Variants in CCDC93 observed in about 807,000 individuals in gnomAD.
CCDC93 encodes the protein CCC complex scaffolding subunit CCDC93, also known as coiled-coil domain-containing protein 93.
In CCDC93, 61 loss-of-function variants were observed where a neutral mutation model predicts 108.2. The ratio of observed to expected loss-of-function variants is 0.56; its 90% CI spans 0.46 to 0.70. CCDC93 has a LOEUF of 0.70. Among genes scored for constraint, CCDC93 ranks in the 30% least tolerant of loss-of-function variants. The probability of loss-of-function intolerance (pLI) is 0.00; values close to 1 mark genes in which losing one functional copy is unlikely to be tolerated. For missense variants in CCDC93, 685 were observed against 764.2 expected, an observed-to-expected ratio of 0.90 and a Z score of 1.22; for synonymous variants, 276 against 260.4, an observed-to-expected ratio of 1.06 and a Z score of -0.58.
intron 20 of CCDC93, among the ~76,000 whole-genome samples, chr2:117,937,157 G>A (rs35531660): frequency 0.061 from 9,354 of 152,244 alleles, 316 homozygotes; most frequent in Middle Eastern, 0.15. Flanking sequence ...AGTGAGAGTC[G>A]TTTACACCCT....
rs758296831 is a variant in CCDC93, at chr2:118,008,865, C to A, written c.43-207G>T. ...TCACAAATGGGTCCGCGGTCCTCAA[C>A]GGGCTGTTAATCTTCATAGCTGAGG... On this transcript the variant is annotated intron_variant, in intron 1 of 23. Transcript: ENST00000376300. The A allele has an allele frequency of 1.9e-5, 10 of 533,894 alleles. No individual in the cohort carries two copies. In the African/African-American group the frequency reaches 1.9e-4, roughly 10 times the overall value. 33.1% of individuals were successfully genotyped at this position (533,894 alleles called of 1,614,324 possible). A position where few individuals can be genotyped will look rare whatever the true frequency, so the allele number is the denominator to read the frequency against.
chr2:118,001,619 C>CAACACCTCGCCTCAGTCTTCCTCG (rs1676691323), intron 3 of CCDC93, among the ~76,000 whole-genome samples: 1 of 152,160 alleles, frequency 6.6e-6, no homozygotes. Flanking sequence ...AGTCTTCCTC[C>CAACACCTCGCCTCAGTCTTCCTCG]TATAGAAGAC....
At chr2:117,939,910 G>A (rs528371907) in intron 19 of CCDC93, among the ~76,000 whole-genome samples, 1 of 152,328 alleles carries the variant, frequency 6.6e-6, no homozygotes, top group Admixed American at 6.5e-5. Flanking sequence ...GAGGGGTGAA[G>A]CTGGGTGAAG....
chr2:117,969,836 A>G (rs1002684170), intron 11 of CCDC93, among the ~76,000 whole-genome samples: 1 of 152,238 alleles, frequency 6.6e-6, no homozygotes, highest in African/African-American at 2.4e-5. Flanking sequence ...GATAAGATTT[A>G]TTAAGATACT....
chr2:117,994,000 G>A (rs1680567118), intron 6 of CCDC93, among the ~76,000 whole-genome samples: 2 of 152,142 alleles, frequency 1.3e-5, no homozygotes, highest in South Asian at 4.1e-4. Flanking sequence ...CCAGTGTGCT[G>A]GGATTACAGG....
In CCDC93 at chr2:118,006,756, G is replaced by A. The variant is rs1314760969; in HGVS notation, c.217C>T (p.Leu73Phe). ...TCNFDVDVDL[L>F]FQENSTIGQK... ...CCTATCGTAGAGTTTTCTTGAAAGA[G>A]CAAATCAACATCTACATCAAAGTTG... The change falls in exon 3 of 24, where the codon CTC (leucine) becomes TTC (phenylalanine). Residue 73 changes from leucine to phenylalanine, a missense_variant. Physicochemically the swap from Leu to Phe is conservative, Grantham distance 22. Coordinates refer to ENST00000376300, the MANE Select transcript of CCDC93 (RefSeq NM_019044.5). 6.2e-7 allele frequency: 1 copy of A among 1,612,146 alleles called. No homozygotes were observed. Among genetic ancestry groups the A allele is most frequent in the African/African-American group, 1.3e-5 (1 of 74,870 alleles).
At chr2:117,950,308 G>T (rs1679012344) in intron 13 of CCDC93, 1 of 985,222 alleles carries the variant, frequency 1.0e-6, no homozygotes, top group African/African-American at 1.7e-5. Context: ...AATAGTTACA[G>T]AGCAAGCAAA....
In CCDC93 at chr2:117,931,133, T is replaced by C; in HGVS notation, c.1746A>G (p.Gln582=). The C allele has an allele frequency of 6.2e-7, 1 of 1,613,364 alleles. No individual in the cohort carries two copies. The highest frequency in any genetic ancestry group is 8.5e-7 in the Non-Finnish European group (1 of 1,179,342). ...ACTGGTCTCTTCTCATTTTGTTCTCTTGCTTTTTCTTTTCCATCTGTTGAA... is the reference window on the plus strand; with the variant it reads ...ACTGGTCTCTTCTCATTTTGTTCTCCTGCTTTTTCTTTTCCATCTGTTGAA... The part of the protein sequence containing the change: ...QSRMKMEKKK[Q]ENKMRRDQLN... The change falls in exon 23 of 24, where the codon CAA becomes CAG. Residue 582 remains glutamine (Q), a synonymous_variant. Transcript: ENST00000376300.
intron 3 of CCDC93, among the ~76,000 whole-genome samples, chr2:118,002,134 T>C (rs889608439): frequency 6.6e-6 from 1 of 152,208 alleles, no homozygotes; most frequent in African/African-American, 2.4e-5. Context: ...TACTATGTTC[T>C]AATAGACAAA....
At chr2:117,958,695 G>A (rs991410584) in intron 11 of CCDC93, among the ~76,000 whole-genome samples, 1 of 152,094 alleles carries the variant, frequency 6.6e-6, no homozygotes, top group African/African-American at 2.4e-5. Context: ...CTGGGCTGAG[G>A]GAACAGCATG....
chr2:117,943,980 T>C, intron 18 of CCDC93, 44 bp downstream of exon 18: 1 of 1,329,892 alleles, frequency 7.5e-7, no homozygotes, highest in South Asian at 1.3e-5. Context: ...CATTTATACC[T>C]AGTTAGAAGC....
chr2:117,965,896 CAA>C (rs1324921228), intron 11 of CCDC93, among the ~76,000 whole-genome samples: 1 of 150,928 alleles, frequency 6.6e-6, no homozygotes, highest in African/African-American at 2.4e-5. Context: ...AAAAAAAAAA[CAA>C]AGACTTAAAA....
chr2:117,985,447 G>A (rs1680287356), intron 7 of CCDC93: 1 of 977,494 alleles, frequency 1.0e-6, no homozygotes, highest in Non-Finnish European at 1.2e-6. Flanking sequence ...AATACCCAGT[G>A]ACAAGCAAAA....
intron 11 of CCDC93, among the ~76,000 whole-genome samples, chr2:117,965,372 A>AT (rs1173291859): frequency 1.3e-5 from 2 of 152,054 alleles, no homozygotes; most frequent in African/African-American, 4.8e-5. Context: ...GATCAGGCTG[A>AT]TTTTCTAACA....
At chr2:117,944,400 AAG>A in intron 17 of CCDC93, among the ~76,000 whole-genome samples, 2 of 151,886 alleles carry the variant, frequency 1.3e-5, no homozygotes, top group East Asian at 3.9e-4. Context: ...TCATTAGTTA[AAG>A]AATGTGTTGT....
chr2:118,007,699 G>GT (rs1464624217), intron 2 of CCDC93, among the ~76,000 whole-genome samples: 1 of 152,090 alleles, frequency 6.6e-6, no homozygotes, highest in Admixed American at 6.6e-5. Flanking sequence ...AACAAAAACA[G>GT]TAAATCTTAC....
intron 17 of CCDC93, 42 bp from the exon 18 acceptor site, chr2:117,944,128 C>T (rs1558775427): frequency 3.6e-6 from 5 of 1,395,614 alleles, no homozygotes; most frequent in Non-Finnish European, 5.0e-6. Context: ...GAATAGAAAA[C>T]TTTCACTCTT....
chr2:118,002,924 G>A (rs1196605811), intron 3 of CCDC93, among the ~76,000 whole-genome samples: 2 of 152,152 alleles, frequency 1.3e-5, no homozygotes, highest in Admixed American at 6.5e-5. Flanking sequence ...TACAGTCCCA[G>A]CTACTCAAAA....
At chr2:117,941,525 C>A (rs1294081776) in intron 18 of CCDC93, among the ~76,000 whole-genome samples, 17 of 152,012 alleles carry the variant, frequency 1.1e-4, no homozygotes, top group African/African-American at 4.8e-5. Context: ...TCACAGAAGG[C>A]ACCAAATGAG....
Sources: allele counts gnomAD v4.1 joint callset (sites outside exome capture counted in the v4.1 genomes callset), GRCh38; gene constraint gnomAD v4.1.1; transcripts MANE v1.5; gene names NCBI Gene and HGNC (gene_info 2026-07-23, HGNC 2026-07-21).